The following CSMD2 variants were observed in gnomAD, a reference collection of about 807,000 sequenced individuals.
The protein encoded by CSMD2 is CUB and Sushi multiple domains 2.
A neutral mutation model predicts 398.5 loss-of-function variants in CSMD2; 130 were observed. The observed-to-expected ratio is 0.33, with a 90% confidence interval of 0.28 to 0.38. The LOEUF (loss-of-function observed/expected upper bound fraction) is 0.38. Ranked by LOEUF, CSMD2 falls within the 10% of genes least tolerant of loss-of-function variation. CSMD2 has a pLI of 1.00. For synonymous variants in CSMD2, 1,828 were observed against 1,908.5 expected (o/e 0.96, Z 1.10); for missense variants, 3,829 against 4,764.9 (o/e 0.80, Z 5.78).
upstream of CSMD2, chr1:34,165,377 T>C: frequency 8.6e-7 from 1 of 1,156,844 alleles, no homozygotes; most frequent in Non-Finnish European, 1.1e-6. Flanking sequence ...TCTCCGCCGC[T>C]CCAAATGCTG....
intron 13 of CSMD2, among the ~76,000 whole-genome samples, chr1:33,761,150 C>T (rs185086072): frequency 3.9e-4 from 60 of 152,260 alleles, no homozygotes; most frequent in Non-Finnish European, 4.4e-4. Context: ...TACTGAACAG[C>T]CCTTCACTTG....
At chr1:33,587,235 G>C in intron 44 of CSMD2, 67 bp from the exon 45 acceptor site, 1 of 1,174,176 alleles carries the variant, frequency 8.5e-7, no homozygotes, top group Non-Finnish European at 1.2e-6. Flanking sequence ...TCATTCATTT[G>C]TTCAATTCTT....
intron 57 of CSMD2, among the ~76,000 whole-genome samples, chr1:33,543,745 A>G (rs1656586480): frequency 6.6e-6 from 1 of 152,250 alleles, no homozygotes; most frequent in Non-Finnish European, 1.5e-5. Flanking sequence ...TTTAGGAAAG[A>G]CATTTTCTAT....
At chr1:33,991,499 A>G (rs1399401969) in intron 3 of CSMD2, among the ~76,000 whole-genome samples, 1 of 152,190 alleles carries the variant, frequency 6.6e-6, no homozygotes, top group Admixed American at 6.5e-5. Flanking sequence ...GAGAAATGGA[A>G]CAGGTGGAGT....
At chr1:34,034,577 A>T (rs1650878926) in intron 2 of CSMD2, among the ~76,000 whole-genome samples, 1 of 152,192 alleles carries the variant, frequency 6.6e-6, no homozygotes, top group Non-Finnish European at 1.5e-5. Flanking sequence ...AACCCTGATG[A>T]TGTATTTTTC....
chr1:34,106,640 G>A (rs900164420), intron 1 of CSMD2, among the ~76,000 whole-genome samples: 2 of 152,130 alleles, frequency 1.3e-5, no homozygotes, highest in African/African-American at 4.8e-5. Context: ...GTCAGAGCCT[G>A]GGATTTATTG....
intron 5 of CSMD2, among the ~76,000 whole-genome samples, chr1:33,894,072 T>C (rs1222888015): frequency 6.6e-6 from 1 of 152,198 alleles, no homozygotes; most frequent in Non-Finnish European, 1.5e-5. Context: ...TCTTCTTTTT[T>C]TCTGTGCCTG....
chr1:33,820,366 C>A, intron 8 of CSMD2, 103 bp downstream of exon 8: 1 of 776,836 alleles, frequency 1.3e-6, no homozygotes, highest in Non-Finnish European at 2.3e-6. Flanking sequence ...TATATCCATG[C>A]CATCCTCTCC....
chr1:34,160,898 G>A (rs952351694), intron 1 of CSMD2, among the ~76,000 whole-genome samples: 5 of 152,136 alleles, frequency 3.3e-5, no homozygotes, highest in African/African-American at 1.2e-4. Context: ...GATGTAATTG[G>A]CACGGGAAAA....
At chr1:33,979,742 T>C (rs1027664854) in intron 3 of CSMD2, among the ~76,000 whole-genome samples, 1 of 152,060 alleles carries the variant, frequency 6.6e-6, no homozygotes, top group African/African-American at 2.4e-5. Flanking sequence ...TGGTGGTGAG[T>C]GTGACTGGAT....
intron 2 of CSMD2, among the ~76,000 whole-genome samples, chr1:34,057,797 C>G (rs1654018810): frequency 6.6e-6 from 1 of 152,190 alleles, no homozygotes; most frequent in Non-Finnish European, 1.5e-5. Flanking sequence ...AAAACAACTA[C>G]CCACCTTGTC....
At chr1:33,830,668 T>C (rs1011116182) in intron 6 of CSMD2, among the ~76,000 whole-genome samples, 1 of 152,220 alleles carries the variant, frequency 6.6e-6, no homozygotes, top group African/African-American at 2.4e-5. Flanking sequence ...GGAGAATGAC[T>C]TTGACGAATT....
chr1:33,717,474 T>A (rs1211643751), intron 19 of CSMD2, among the ~76,000 whole-genome samples: 1 of 151,726 alleles, frequency 6.6e-6, no homozygotes, highest in East Asian at 1.9e-4. Context: ...TAACATGACA[T>A]CCAGTGGCAC....
intron 2 of CSMD2, among the ~76,000 whole-genome samples, chr1:34,058,964 C>T (rs557423050): frequency 1.3e-5 from 2 of 152,276 alleles, no homozygotes; most frequent in East Asian, 1.9e-4. Flanking sequence ...TCTTAGGTGG[C>T]GGTCAGTGAA....
chr1:33,811,698 G>T (rs1656889167), intron 9 of CSMD2, among the ~76,000 whole-genome samples: 1 of 152,198 alleles, frequency 6.6e-6, no homozygotes, highest in African/African-American at 2.4e-5. Flanking sequence ...AAACTAATTA[G>T]ATTAAGTAGT....
chr1:33,909,752 T>C (rs1643345205), intron 5 of CSMD2, among the ~76,000 whole-genome samples: 1 of 152,196 alleles, frequency 6.6e-6, no homozygotes, highest in Non-Finnish European at 1.5e-5. Flanking sequence ...AACACCAAGC[T>C]TTCAGGTGTA....
chr1:33,864,286 C>T, intron 5 of CSMD2: 1 of 1,613,172 alleles, frequency 6.2e-7, no homozygotes, highest in Non-Finnish European at 8.5e-7. Flanking sequence ...GAGCAGCAGC[C>T]AAATACCTAT....
At chr1:33,521,329 C>T in intron 68 of CSMD2, 134 bp downstream of exon 68, 1 of 678,098 alleles carries the variant, frequency 1.5e-6, no homozygotes, top group East Asian at 2.6e-5. Flanking sequence ...CAAGAGGCAT[C>T]CCTGATCCCA....
At chr1:33,865,771 A>G (rs1336177531) in intron 5 of CSMD2, among the ~76,000 whole-genome samples, 1 of 152,148 alleles carries the variant, frequency 6.6e-6, no homozygotes, top group Non-Finnish European at 1.5e-5. Flanking sequence ...TGAACAACAC[A>G]TTTCATTTTT....
Sources: allele counts gnomAD v4.1 joint callset (sites outside exome capture counted in the v4.1 genomes callset), GRCh38; gene constraint gnomAD v4.1.1; transcripts MANE v1.5; gene names NCBI Gene and HGNC (gene_info 2026-07-23, HGNC 2026-07-21).